YEATS2: variants seen among roughly 807,000 people sequenced by gnomAD.
YEATS2 encodes the protein YEATS domain containing 2, also known as YEATS domain-containing protein 2.
A neutral mutation model predicts 163.2 loss-of-function variants in YEATS2; 77 were observed. The observed-to-expected ratio is 0.47, with a 90% CI of 0.39 to 0.57. The LOEUF is 0.57. Ranked by LOEUF, YEATS2 falls within the 20% of genes least tolerant of loss-of-function variation. The probability of loss-of-function intolerance (pLI) is 0.00; values close to 1 mark genes in which losing one functional copy is unlikely to be tolerated. For synonymous variants in YEATS2, 631 were observed against 645.1 expected (o/e 0.98, Z 0.33); for missense variants, 1,549 against 1,729.8 (o/e 0.90, Z 1.85).
At chr3:183,773,837 CTATG>C in intron 17 of YEATS2, 43 bp downstream of exon 17, 1 of 1,562,296 alleles carries the variant, frequency 6.4e-7, no homozygotes, top group Non-Finnish European at 8.6e-7. Context: ...TCTTGGTTCT[CTATG>C]TGTGTTCATC....
chr3:183,792,812 G>GATTTT (rs1724787877), intron 21 of YEATS2, among the ~76,000 whole-genome samples: 1 of 152,172 alleles, frequency 6.6e-6, no homozygotes, highest in African/African-American at 2.4e-5. Flanking sequence ...CCCAGCCAGA[G>GATTTT]ATTTTATTTT....
intron 29 of YEATS2, 73 bp downstream of exon 29, chr3:183,808,177 C>A: frequency 1.6e-6 from 2 of 1,220,610 alleles, no homozygotes; most frequent in Non-Finnish European, 2.3e-6. Flanking sequence ...GGGGCAAGGA[C>A]AGAAAAGGAA....
At chr3:183,754,062 C>G in intron 10 of YEATS2, 64 bp from the exon 11 acceptor site, 1 of 1,459,670 alleles carries the variant, frequency 6.9e-7, no homozygotes, top group South Asian at 1.6e-5. Flanking sequence ...TCTTTTTCCA[C>G]AACGGTAAGG....
chr3:183,793,277 T>C (rs970679150), intron 21 of YEATS2: 3 of 1,160,996 alleles, frequency 2.6e-6, no homozygotes, highest in African/African-American at 3.2e-5. Context: ...TTCATTCATA[T>C]GTAGCTCCAC....
chr3:183,807,242 C>G, intron 28 of YEATS2, 150 bp downstream of exon 28: 1 of 712,962 alleles, frequency 1.4e-6, no homozygotes, highest in South Asian at 1.9e-5. Flanking sequence ...TGCTTGACTT[C>G]CTTCTGCCTG....
intron 6 of YEATS2, among the ~76,000 whole-genome samples, chr3:183,726,742 A>G (rs1717143600): frequency 6.6e-6 from 1 of 151,832 alleles, no homozygotes; most frequent in Admixed American, 6.6e-5. Flanking sequence ...ATTTTCGTAT[A>G]TTTTTCTCAA....
intron 21 of YEATS2, chr3:183,793,172 C>A: frequency 7.8e-7 from 1 of 1,288,190 alleles, no homozygotes; most frequent in Non-Finnish European, 1.0e-6. Context: ...TGAATATCAC[C>A]GAGATACACA....
intron 29 of YEATS2, 141 bp from the exon 30 acceptor site, chr3:183,808,956 G>T: frequency 1.5e-6 from 1 of 682,756 alleles, no homozygotes; most frequent in Non-Finnish European, 2.6e-6. Context: ...TATTATTGAG[G>T]CCTTTAATTT....
chr3:183,769,613 A>G (rs192025423), intron 15 of YEATS2, among the ~76,000 whole-genome samples: 38 of 152,374 alleles, frequency 2.5e-4, no homozygotes, highest in Middle Eastern at 6.8e-3. Flanking sequence ...GGAAAACCAG[A>G]TCTGTCTGCT....
At position 183,785,976 on chromosome 3, in the gene YEATS2, A is replaced by G. The variant is rs1000499422; in HGVS notation, c.2737-149A>G. 7 of 737,948 alleles carry G rather than the reference A, an allele frequency of 9.5e-6. No individual in the cohort carries two copies. The African/African-American group carries it at 1.2e-4, about 13-fold the overall frequency. The allele number at this position is 737,948 out of a possible 1,614,324, so 45.7% of individuals were successfully genotyped here. A position where few individuals can be genotyped will look rare whatever the true frequency, so the allele number is the denominator to read the frequency against. On this transcript the variant is annotated intron_variant, in intron 19 of 30. Coordinates refer to ENST00000305135, the MANE Select transcript of YEATS2 (RefSeq NM_018023.5). ...TCATAAAATTTGGAGCTTGTTAGAA[A>G]GGTGTGTAAACACCTCATGTAGGTT...
intron 8 of YEATS2, 134 bp from the exon 9 acceptor site, chr3:183,747,538 A>T: frequency 2.1e-6 from 1 of 478,378 alleles, no homozygotes; most frequent in Non-Finnish European, 3.5e-6. Flanking sequence ...TGATGAATTT[A>T]TATTTTACAT....
chr3:183,755,816 C>T (rs947221178), intron 11 of YEATS2, among the ~76,000 whole-genome samples: 35 of 132,344 alleles, frequency 2.6e-4, no homozygotes, highest in Middle Eastern at 5.3e-3. Context: ...TGCAATGGCA[C>T]GATCTCGGCT....
chr3:183,781,648 C>T (rs539156243), intron 19 of YEATS2, among the ~76,000 whole-genome samples: 1 of 152,272 alleles, frequency 6.6e-6, no homozygotes, highest in East Asian at 1.9e-4. Context: ...ATGCTTTTTC[C>T]TTTTAGCCCC....
intron 10 of YEATS2, among the ~76,000 whole-genome samples, chr3:183,753,167 G>A (rs898822787): frequency 8.5e-5 from 13 of 152,098 alleles, no homozygotes; most frequent in Non-Finnish European, 1.8e-4. Flanking sequence ...TTCAGCTTCT[G>A]ATTGTGCGAG....
intron 13 of YEATS2, among the ~76,000 whole-genome samples, chr3:183,760,649 T>C (rs1721252432): frequency 6.6e-6 from 1 of 152,202 alleles, no homozygotes; most frequent in Admixed American, 6.5e-5. Flanking sequence ...GAATGTTGAC[T>C]TTCGTTGTCT....
chr3:183,748,997 C>T (rs534153344), intron 9 of YEATS2, among the ~76,000 whole-genome samples: 5 of 152,076 alleles, frequency 3.3e-5, no homozygotes, highest in African/African-American at 7.2e-5. Context: ...GTCTGGAGTG[C>T]GGTGGCGTGA....
chr3:183,730,052 G>GTTTTTTTTTTTTTTTTTTTTTT (rs869091775), intron 7 of YEATS2, among the ~76,000 whole-genome samples: 1 of 41,698 alleles, frequency 2.4e-5, no homozygotes, highest in Non-Finnish European at 4.4e-5. Flanking sequence ...TTTTTTGTTT[G>GTTTTTTTTTTTTTTTTTTTTTT]TTTTTTTTTT....
intron 22 of YEATS2, 62 bp from the exon 23 acceptor site, chr3:183,798,829 A>C (rs1375333490): frequency 7.7e-7 from 1 of 1,306,608 alleles, no homozygotes; most frequent in Admixed American, 1.7e-5. Context: ...CTGGAAGTAG[A>C]TCACCCTCAT....
At chr3:183,794,131 A>C (rs1488547590) in intron 21 of YEATS2, among the ~76,000 whole-genome samples, 2 of 152,038 alleles carry the variant, frequency 1.3e-5, no homozygotes, top group Non-Finnish European at 1.5e-5. Flanking sequence ...GAGGGTTTTA[A>C]GCTAAGGTGG....
Sources: gnomAD v4.1 joint callset for allele counts (sites outside exome capture counted in the v4.1 genomes callset) on GRCh38, gnomAD v4.1.1 for gene constraint, MANE v1.5 for transcripts, NCBI Gene and HGNC (gene_info 2026-07-23, HGNC 2026-07-21) for gene names.